Variants in GRB2 observed in about 807,000 individuals in gnomAD.
GRB2 encodes the protein growth factor receptor bound protein 2.
A neutral mutation model predicts 27.4 loss-of-function variants in GRB2; 2 were observed. The observed-to-expected ratio is 0.07, with a 90% CI of 0.03 to 0.23. The LOEUF (loss-of-function observed/expected upper bound fraction) is 0.23, where lower values mean the gene tolerates loss of function less well. GRB2 is among the 10% of genes least tolerant of loss of function. GRB2 has a pLI of 1.00. For missense variants in GRB2, 102 were observed against 282.4 expected (o/e 0.36, Z 4.58); for synonymous variants, 94 against 99.6 (o/e 0.94, Z 0.33).
intron 4 of GRB2, among the ~76,000 whole-genome samples, chr17:75,323,931 T>C (rs1421576962): frequency 1.3e-5 from 2 of 151,966 alleles, no homozygotes; most frequent in Non-Finnish European, 2.9e-5. Flanking sequence ...TGCTTCAGCC[T>C]CCGGAGTAGC....
At chr17:75,340,624 T>G (rs1003355787) in intron 2 of GRB2, among the ~76,000 whole-genome samples, 1 of 152,242 alleles carries the variant, frequency 6.6e-6, no homozygotes, top group Non-Finnish European at 1.5e-5. Context: ...TCAGTTCTCT[T>G]CAGGTGCCTG....
At chr17:75,392,323 C>T (rs553679334) in intron 2 of GRB2, among the ~76,000 whole-genome samples, 72 of 152,314 alleles carry the variant, frequency 4.7e-4, no homozygotes, top group African/African-American at 1.6e-3. Flanking sequence ...GAAATGAACA[C>T]ACAGACACAA....
In GRB2 at chr17:75,343,302, G is replaced by T. The variant is rs536029163; in HGVS notation, c.79-10505C>A. Among the ~76,000 whole-genome samples, 167 of 152,162 alleles carry T rather than the reference G, an allele frequency of 1.1e-3. 1 individual carries two copies. The highest frequency in any genetic ancestry group is 4.0e-3 in the African/African-American group (165 of 41,512). On this transcript the variant is annotated intron_variant, in intron 2 of 5. Coordinates refer to ENST00000316804, the MANE Select transcript of GRB2 (RefSeq NM_002086.5). Reference sequence around the variant, plus strand: ...TGCTAATTTTAATAGCTACAACTCTGCCAGCAAAATTTTTATGGAACAGTC... The same window carrying T: ...TGCTAATTTTAATAGCTACAACTCTTCCAGCAAAATTTTTATGGAACAGTC...
chr17:75,362,956 G>A (rs1203337740), intron 2 of GRB2, among the ~76,000 whole-genome samples: 1 of 152,128 alleles, frequency 6.6e-6, no homozygotes, highest in Non-Finnish European at 1.5e-5. Flanking sequence ...GGAATGGAAA[G>A]GAAAAAAATT....
intron 2 of GRB2, among the ~76,000 whole-genome samples, chr17:75,343,514 A>G (rs2078635666): frequency 6.6e-6 from 1 of 152,226 alleles, no homozygotes; most frequent in South Asian, 2.1e-4. Flanking sequence ...TCTGAGAAAT[A>G]TTTTAGTTCA....
intron 5 of GRB2, among the ~76,000 whole-genome samples, chr17:75,321,359 T>C (rs1328736964): frequency 1.3e-5 from 2 of 151,862 alleles, no homozygotes; most frequent in African/African-American, 2.4e-5. Flanking sequence ...GTATTTTTAG[T>C]AGCGACAGGG....
chr17:75,335,823 A>G (rs1156830782), intron 2 of GRB2, among the ~76,000 whole-genome samples: 6 of 152,228 alleles, frequency 3.9e-5, no homozygotes, highest in Non-Finnish European at 7.3e-5. Flanking sequence ...GTTTCTCGTA[A>G]AAAAATCACA....
At chr17:75,325,062 G>A (rs949225039) in intron 4 of GRB2, among the ~76,000 whole-genome samples, 3 of 152,084 alleles carry the variant, frequency 2.0e-5, no homozygotes, top group Non-Finnish European at 4.4e-5. Flanking sequence ...GGGACAGAGC[G>A]AGACTCTGTC....
intron 2 of GRB2, among the ~76,000 whole-genome samples, chr17:75,357,677 T>C (rs996133994): frequency 1.3e-5 from 2 of 152,130 alleles, no homozygotes; most frequent in South Asian, 2.1e-4. Context: ...TCCTAGCACT[T>C]TGGGAGGCCG....
At chr17:75,350,046 C>CAAA (rs397934291) in intron 2 of GRB2, among the ~76,000 whole-genome samples, 186 of 144,234 alleles carry the variant, frequency 1.3e-3, no homozygotes, top group African/African-American at 4.2e-3. Context: ...ATAAAACAAC[C>CAAA]AAAAAAAAAA....
At chr17:75,396,787 G>A (rs2079031579) in intron 1 of GRB2, among the ~76,000 whole-genome samples, 1 of 152,152 alleles carries the variant, frequency 6.6e-6, no homozygotes, top group African/African-American at 2.4e-5. Flanking sequence ...CCGAGACTAT[G>A]TATTAGTGAT....
intron 2 of GRB2, among the ~76,000 whole-genome samples, chr17:75,384,244 A>G (rs2078948206): frequency 6.6e-6 from 1 of 152,230 alleles, no homozygotes; most frequent in South Asian, 2.1e-4. Context: ...ATTTAAAATC[A>G]GGTTAAATCT....
intron 2 of GRB2, among the ~76,000 whole-genome samples, chr17:75,375,231 C>A (rs1301581258): frequency 1.3e-5 from 2 of 152,122 alleles, no homozygotes; most frequent in East Asian, 3.8e-4. Context: ...CACTATACTT[C>A]TTATGCCAAT....
chr17:75,358,916 A>T (rs201748509), intron 2 of GRB2, among the ~76,000 whole-genome samples: 65 of 78,544 alleles, frequency 8.3e-4, no homozygotes, highest in African/African-American at 1.9e-3. Context: ...TATATATATA[A>T]ATATATATAT....
At chr17:75,380,536 C>T (rs1444641327) in intron 2 of GRB2, among the ~76,000 whole-genome samples, 1 of 152,150 alleles carries the variant, frequency 6.6e-6, no homozygotes. Context: ...TCAGCAGAGC[C>T]TCCTGGCTTA....
chr17:75,332,657 G>A (rs764507321), intron 3 of GRB2, 43 bp downstream of exon 3: 2 of 1,072,528 alleles, frequency 1.9e-6, no homozygotes, highest in African/African-American at 3.1e-5. Context: ...TTGAAACAAG[G>A]AGGTGGGTCC....
At chr17:75,405,128 C>G (rs2079090978) in intron 1 of GRB2, 1 of 152,298 alleles carries the variant, frequency 6.6e-6, no homozygotes, top group African/African-American at 2.4e-5. Context: ...GCAGCCCACA[C>G]CAGTCCCCCG....
At chr17:75,382,763 C>T (rs1040516607) in intron 2 of GRB2, among the ~76,000 whole-genome samples, 22 of 152,080 alleles carry the variant, frequency 1.4e-4, no homozygotes, top group African/African-American at 2.4e-4. Context: ...GGCTAGAGTG[C>T]GGTGGCACTA....
At chr17:75,321,581 TC>T in intron 5 of GRB2, 77 bp downstream of exon 5, 1 of 1,367,500 alleles carries the variant, frequency 7.3e-7, no homozygotes. Flanking sequence ...GAGGGGCGCC[TC>T]CCCTTTCCTA....
Sources: allele counts gnomAD v4.1 joint callset (sites outside exome capture counted in the v4.1 genomes callset), GRCh38; gene constraint gnomAD v4.1.1; transcripts MANE v1.5; gene names NCBI Gene and HGNC (gene_info 2026-07-23, HGNC 2026-07-21).